ZNF880: variants seen among roughly 807,000 people sequenced by gnomAD.
The protein encoded by ZNF880 is zinc finger protein LOC400713.
A neutral mutation model predicts 11.8 loss-of-function variants in ZNF880; 12 were observed. That is an observed-to-expected ratio of 1.02 (90% CI 0.65 to 1.65). The LOEUF (loss-of-function observed/expected upper bound fraction) is 1.65. ZNF880 is among the 40% of genes most tolerant of loss of function. ZNF880 has a pLI of 0.00. For missense variants in ZNF880, 601 were observed against 673.9 expected (o/e 0.89, Z 1.20); for synonymous variants, 210 against 232.4 (o/e 0.90, Z 0.88).
the ZNF880 span, chr19:52,395,421 G>A: frequency 3.3e-5 from 5 of 152,132 alleles, no homozygotes; most frequent in Non-Finnish European, 7.4e-5. Flanking sequence ...TTTCCATACT[G>A]ACCGCAGTAT....
intron 3 of ZNF880, among the ~76,000 whole-genome samples, chr19:52,382,910 G>A (rs1986745055): frequency 6.6e-6 from 1 of 152,146 alleles, no homozygotes; most frequent in Non-Finnish European, 1.5e-5. Context: ...ATCTCCAATA[G>A]TTTGTATATT....
chr19:52,387,942 C>T (rs137941698), downstream of ZNF880, among the ~76,000 whole-genome samples: 578 of 129,224 alleles, frequency 4.5e-3, 64 homozygotes, highest in African/African-American at 0.017. Flanking sequence ...TGCAGTGGCA[C>T]GATCTCGGCT....
chr19:52,373,230 C>A lies in ZNF880; in HGVS notation c.132C>A (p.Val44=), dbSNP rs11396. Reference sequence around the variant, plus strand: ...TGGTGGAGAACTACAGGAACCTGGTCTTTCTGGGTGAGGATAATGTCCCTT... The same window carrying A: ...TGGTGGAGAACTACAGGAACCTGGTATTTCTGGGTGAGGATAATGTCCCTT... ...EVMVENYRNL[V]FLGICLPDLS... is the part of the protein sequence containing the mutation. The change falls in exon 2 of 4, where the codon GTC becomes GTA. Residue 44 remains valine, a synonymous_variant. Transcript: ENST00000422689. 3.1e-6 allele frequency: 5 copies of A among 1,612,162 alleles called. No homozygotes were observed. The highest frequency in any genetic ancestry group is 3.3e-4 in the Middle Eastern group (2 of 6,038).
At chr19:52,378,645 CAAAAAAAAAAAAA>C (rs3070397) in intron 3 of ZNF880, among the ~76,000 whole-genome samples, 2 of 85,182 alleles carry the variant, frequency 2.3e-5, no homozygotes, top group African/African-American at 9.1e-5. Context: ...GACTCTGTCT[CAAAAAAAAAAAAA>C]AAAAAAAAGA....
At chr19:52,388,763 G>A (rs1422054712), downstream of ZNF880, 2 of 152,086 alleles carry the variant, frequency 1.3e-5, no homozygotes, top group African/African-American at 2.4e-5. Flanking sequence ...TGGAGAACAG[G>A]GATAGGTGAG....
Position 52,373,244 on chromosome 19 carries a change from A to C in ZNF880, c.139+7A>C, listed in dbSNP as rs762195285. 1 of 1,608,446 alleles carries C rather than the reference A, an allele frequency of 6.2e-7. No homozygotes were observed. Among genetic ancestry groups the C allele is most frequent in the South Asian group, 1.1e-5 (1 of 90,562 alleles). ...AGGAACCTGGTCTTTCTGGGTGAGG[A>C]TAATGTCCCTTCAGAAGTCAAGATC... On this transcript the variant is annotated splice_region_variant and intron_variant, in intron 2 of 3. Transcript: ENST00000422689.
At position 52,373,713 on chromosome 19, in the gene ZNF880, T is replaced by C. The variant is rs993436838; in HGVS notation, c.139+476T>C. Among the ~76,000 whole-genome samples the C allele has an allele frequency of 2.0e-5, 3 of 147,646 alleles. No homozygotes were observed. The Admixed American group carries it at 2.1e-4, about 10-fold the overall frequency. ...TTTTTGAGACAGAGTCTCCCTGTGT[T>C]GCCAGGCTGGAGTGCAGTGGCAGGA... On this transcript the variant is annotated intron_variant, in intron 2 of 3. Transcript: ENST00000422689.
chr19:52,388,420 A>G (rs1046844764), downstream of ZNF880, among the ~76,000 whole-genome samples: 2 of 144,438 alleles, frequency 1.4e-5, no homozygotes, highest in Non-Finnish European at 3.0e-5. Flanking sequence ...TGGGACTACA[A>G]GCGTGCACCA....
At position 52,384,486 on chromosome 19, in the gene ZNF880, C is replaced by G. The variant is rs1384793290; in HGVS notation, c.906C>G (p.Gly302=). The G allele has an allele frequency of 6.2e-7, 1 of 1,614,004 alleles. No homozygotes were observed. The highest frequency in any genetic ancestry group is 8.5e-7 in the Non-Finnish European group (1 of 1,180,020). The change falls in exon 4 of 4, where the codon GGC becomes GGG. Residue 302 remains glycine (G), a synonymous_variant. Coordinates refer to ENST00000422689, the MANE Select transcript of ZNF880 (RefSeq NM_001145434.2). Reference sequence around the variant, plus strand: ...AACCTTACAAATGTAATGAGTGTGGCAAGGTCTTCAACAGAAATGCACACC... The same window carrying G: ...AACCTTACAAATGTAATGAGTGTGGGAAGGTCTTCAACAGAAATGCACACC... ...GEKPYKCNEC[G]KVFNRNAHLA...
chr19:52,374,767 T>C (rs1290185880), intron 3 of ZNF880: 1 of 553,340 alleles, frequency 1.8e-6, no homozygotes, highest in East Asian at 3.1e-5. Flanking sequence ...AAGTTCTTGC[T>C]CTGTTGCCCA....
upstream of ZNF880, among the ~76,000 whole-genome samples, chr19:52,368,615 C>T: frequency 7.0e-6 from 1 of 142,896 alleles, no homozygotes; most frequent in Non-Finnish European, 1.6e-5. Flanking sequence ...AAGGGTAGGG[C>T]TGGGGCGGGG....
rs764202015 is a variant in ZNF880, at chr19:52,374,747, TTGTTGAGACAAGTTCTTGCTC to T, written c.268+326_268+346del. 2.4e-3 allele frequency: 1,377 copies of T among 582,722 alleles called. 3 individuals carry two copies. The highest frequency in any genetic ancestry group is 3.7e-3 in the Non-Finnish European group (1,216 of 327,292). The allele number at this position is 582,722 out of a possible 1,614,324, so 36.1% of individuals were successfully genotyped here. A position where few individuals can be genotyped will look rare whatever the true frequency, so the allele number is the denominator to read the frequency against. On this transcript the variant is annotated intron_variant, in intron 3 of 3. Coordinates refer to ENST00000422689, the MANE Select transcript of ZNF880 (RefSeq NM_001145434.2). ...TGATTGAAGTTTGTTTTGTCTTGTT[TTGTTGAGACAAGTTCTTGCTC>T]TGTTGCCCAGGCTGGAGTGTAGTGG... is the stretch of plus-strand genomic sequence containing the variant.
chr19:52,378,741 T>A (rs1386072847), intron 3 of ZNF880, among the ~76,000 whole-genome samples: 3 of 151,654 alleles, frequency 2.0e-5, no homozygotes, highest in African/African-American at 7.3e-5. Context: ...GTTATAAGAC[T>A]AAAGCCACTG....
At chr19:52,374,571 A>C in intron 3 of ZNF880, 144 bp downstream of exon 3, 33 of 1,000,854 alleles carry the variant, frequency 3.3e-5, no homozygotes, top group Non-Finnish European at 4.8e-5. Flanking sequence ...TCCTGGTCTC[A>C]AGTGATCCTC....
At chr19:52,372,909 CAAAAAAA>C (rs201869014) in intron 1 of ZNF880, among the ~76,000 whole-genome samples, 195 bp from the exon 2 acceptor site, 2 of 69,966 alleles carry the variant, frequency 2.9e-5, no homozygotes, top group Non-Finnish European at 5.2e-5. Flanking sequence ...GACTCCGTCT[CAAAAAAA>C]AAAAAAAAAA....
At chr19:52,369,854 G>A (rs1253584912), upstream of ZNF880, 11 of 1,394,108 alleles carry the variant, frequency 7.9e-6, no homozygotes, top group Non-Finnish European at 1.1e-5. Flanking sequence ...GGAGCGAGGC[G>A]GAGGGAAGCG....
At chr19:52,396,587 T>G in the ZNF880 span, 1 of 152,194 alleles carries the variant, frequency 6.6e-6, no homozygotes, top group African/African-American at 2.4e-5. Context: ...GTGGGCCTTA[T>G]GTATTTGTGT....
downstream of ZNF880, among the ~76,000 whole-genome samples, chr19:52,388,281 A>ATTTTTTTTTTT (rs1298446341): frequency 2.1e-4 from 8 of 38,894 alleles, no homozygotes; most frequent in African/African-American, 1.1e-3. Flanking sequence ...GGCAATTTGA[A>ATTTTTTTTTTT]CTTTTTTTTT....
intron 1 of ZNF880, 149 bp downstream of exon 1, chr19:52,370,126 G>A: frequency 9.2e-7 from 1 of 1,083,612 alleles, no homozygotes; most frequent in Non-Finnish European, 1.4e-6. Flanking sequence ...AGAGTCTGGC[G>A]GTCGCTTCCC....
Sources: allele counts gnomAD v4.1 joint callset (sites outside exome capture counted in the v4.1 genomes callset), GRCh38; gene constraint gnomAD v4.1.1; transcripts MANE v1.5; gene names NCBI Gene and HGNC (gene_info 2026-07-23, HGNC 2026-07-21).